The following ZNF469 variants were observed in gnomAD, a reference collection of about 807,000 sequenced individuals.
ZNF469 encodes zinc finger protein 469.
In ZNF469, 1 loss-of-function variant was observed where a neutral mutation model predicts 1.0. The ratio of observed to expected loss-of-function variants is 1.00; its 90% CI spans 0.35 to 4.73. The LOEUF is 4.73. Ranked by LOEUF, ZNF469 falls within the 30% of genes most tolerant of loss-of-function variation. ZNF469 has a pLI of 0.16. For synonymous variants in ZNF469, 2,703 were observed against 2,363.4 expected (o/e 1.14, Z -4.17); for missense variants, 6,100 against 5,356.3 (o/e 1.14, Z -4.33).
rs773595581 is a variant in ZNF469, at chr16:88,436,496, C to A, written c.9026C>A (p.Ser3009Tyr). Residue 3009 changes from serine to tyrosine, a missense_variant, in exon 3 of 3, where the codon TCC (serine) becomes TAC (tyrosine). By Grantham distance (144) the Ser-to-Tyr change is moderately radical (BLOSUM62 -2). Transcript: ENST00000565624. ...GLEMPAPADD[S>Y]SSSLGDVSPE... ...GAGATGCCGGCCCCTGCCGATGACT[C>A]CTCCTCTTCTCTCGGAGATGTGAGC... The A allele has an allele frequency of 1.4e-5, 22 of 1,548,186 alleles. No homozygotes were observed. In the African/African-American group the frequency reaches 1.8e-4, roughly 13 times the overall value.
the ZNF469 span, among the ~76,000 whole-genome samples, chr16:88,341,765 G>T: frequency 8.5e-5 from 13 of 152,322 alleles, no homozygotes; most frequent in Admixed American, 7.8e-4. Context: ...GCCAGGAAGG[G>T]TGTGCAGGGG....
At position 88,434,079 on chromosome 16, in the gene ZNF469, C is replaced by T; in HGVS notation, c.6609C>T (p.Pro2203=). Reference sequence around the variant, plus strand: ...CTCCCCCGTCTTTGACAACAAGCCCCTGCGATCCCAAGGAAGCCCTGGCTG... The same window carrying T: ...CTCCCCCGTCTTTGACAACAAGCCCTTGCGATCCCAAGGAAGCCCTGGCTG... The part of the protein sequence containing the change: ...PVAPPSLTTS[P]CDPKEALAGC... Residue 2203 remains proline (P), a synonymous_variant, in exon 3 of 3, where the codon CCC becomes CCT. Coordinates refer to ENST00000565624, the MANE Select transcript of ZNF469 (RefSeq NM_001367624.2). 1 of 1,550,406 alleles carries T rather than the reference C, an allele frequency of 6.4e-7. No homozygotes were observed. The highest frequency in any genetic ancestry group is 2.4e-5 in the East Asian group (1 of 40,922).
chr16:88,267,659 G>A, the ZNF469 span, among the ~76,000 whole-genome samples: 1 of 151,814 alleles, frequency 6.6e-6, no homozygotes, highest in East Asian at 1.9e-4. Flanking sequence ...GTGTGGAGTG[G>A]GTCCCTGGGG....
At position 88,430,456 on chromosome 16, in the gene ZNF469, C is replaced by G. The variant is rs886052400; in HGVS notation, c.2986C>G (p.Arg996Gly). The G allele has an allele frequency of 2.0e-6, 3 of 1,477,576 alleles. No homozygotes were observed. The highest frequency in any genetic ancestry group is 2.7e-6 in the Non-Finnish European group (3 of 1,120,954). 91.5% of individuals were successfully genotyped at this position (1,477,576 alleles called of 1,614,324 possible). ...GGAGCGGCCCCCACCCCGTCCCCGG[C>G]GCCCTAGAACGCAGGCCCCCGGGAG... ...LGERPPPRPR[R>G]PRTQAPGSRA... Residue 996 changes from arginine (R) to glycine (G), a missense_variant, in exon 3 of 3, where the codon CGC becomes GGC. Physicochemically the swap from Arg to Gly is moderately radical, Grantham distance 125. Coordinates refer to ENST00000565624, the MANE Select transcript of ZNF469 (RefSeq NM_001367624.2).
the ZNF469 span, among the ~76,000 whole-genome samples, chr16:88,155,911 T>C: frequency 1.3e-5 from 2 of 152,198 alleles, no homozygotes; most frequent in Non-Finnish European, 2.9e-5. Context: ...TCATCAGCAC[T>C]CACTGCTGTC....
chr16:88,378,525 A>G (rs1374017031), upstream of ZNF469, among the ~76,000 whole-genome samples: 1 of 152,154 alleles, frequency 6.6e-6, no homozygotes, highest in Non-Finnish European at 1.5e-5. Context: ...GTGGGAGCTC[A>G]TCAGAGGCCG....
the ZNF469 span, among the ~76,000 whole-genome samples, chr16:88,206,760 G>A: frequency 4.7e-5 from 7 of 149,926 alleles, no homozygotes; most frequent in South Asian, 1.3e-3. Flanking sequence ...GCGCTTCTTG[G>A]TGAGAGATCC....
the ZNF469 span, among the ~76,000 whole-genome samples, chr16:88,349,191 C>T: frequency 1.3e-5 from 2 of 152,188 alleles, no homozygotes; most frequent in Admixed American, 6.5e-5. Flanking sequence ...GCCGGTGCAG[C>T]CTTCCCCGAC....
At chr16:88,133,859 C>T in the ZNF469 span, among the ~76,000 whole-genome samples, 4 of 152,238 alleles carry the variant, frequency 2.6e-5, no homozygotes, top group East Asian at 1.9e-4. Flanking sequence ...TGTGGGAGGC[C>T]GAGGCGGGTG....
At chr16:88,207,899 G>A in the ZNF469 span, among the ~76,000 whole-genome samples, 3 of 152,078 alleles carry the variant, frequency 2.0e-5, no homozygotes, top group Admixed American at 6.6e-5. Flanking sequence ...ATGAAGACGC[G>A]GTCACAGGCT....
the ZNF469 span, among the ~76,000 whole-genome samples, chr16:88,318,442 A>G: frequency 7.1e-6 from 1 of 140,034 alleles, no homozygotes; most frequent in South Asian, 2.2e-4. Context: ...GCATCTCAGG[A>G]TCAGGGGAGG....
At chr16:88,167,750 T>G in the ZNF469 span, among the ~76,000 whole-genome samples, 1 of 152,010 alleles carries the variant, frequency 6.6e-6, no homozygotes, top group Non-Finnish European at 1.5e-5. Context: ...AAATGGGGGG[T>G]GGGTGTGGCC....
chr16:88,218,115 CT>C, the ZNF469 span, among the ~76,000 whole-genome samples: 1 of 147,808 alleles, frequency 6.8e-6, no homozygotes, highest in African/African-American at 2.5e-5. Flanking sequence ...TGTTTCCTGA[CT>C]TTTTAATGAT....
the ZNF469 span, among the ~76,000 whole-genome samples, chr16:88,103,114 C>T: frequency 6.6e-6 from 1 of 152,222 alleles, no homozygotes; most frequent in Non-Finnish European, 1.5e-5. Context: ...CTGCAGTGGC[C>T]GGTTTCTGGC....
chr16:88,397,830 A>T (rs1253371765), intron 1 of ZNF469, among the ~76,000 whole-genome samples: 1 of 152,160 alleles, frequency 6.6e-6, no homozygotes, highest in Non-Finnish European at 1.5e-5. Flanking sequence ...GACTCCCTGC[A>T]TCCCAGACAC....
chr16:88,139,987 C>T, the ZNF469 span, among the ~76,000 whole-genome samples: 1 of 152,212 alleles, frequency 6.6e-6, no homozygotes, highest in Admixed American at 6.5e-5. Context: ...CGAGTTTGAG[C>T]TCCAATAAAC....
upstream of ZNF469, among the ~76,000 whole-genome samples, chr16:88,380,207 TCA>T (rs1166151503): frequency 2.4e-5 from 2 of 82,058 alleles, no homozygotes; most frequent in Non-Finnish European, 2.5e-5. Context: ...AGACATGCAC[TCA>T]CACACAAATG....
the ZNF469 span, among the ~76,000 whole-genome samples, chr16:88,204,238 G>A: frequency 6.6e-6 from 1 of 151,974 alleles, no homozygotes; most frequent in South Asian, 2.1e-4. Flanking sequence ...TAACCCCATA[G>A]AGCAGCGGGA....
chr16:88,303,455 C>T, the ZNF469 span, among the ~76,000 whole-genome samples: 5 of 152,146 alleles, frequency 3.3e-5, no homozygotes, highest in African/African-American at 1.2e-4. Flanking sequence ...GCCCCTCAGC[C>T]CCTCCAAGGG....
Sources: gnomAD v4.1 joint callset for allele counts (sites outside exome capture counted in the v4.1 genomes callset) on GRCh38, gnomAD v4.1.1 for gene constraint, MANE v1.5 for transcripts, NCBI Gene and HGNC (gene_info 2026-07-23, HGNC 2026-07-21) for gene names.